Variants in NCKAP5 observed in about 807,000 individuals in gnomAD.
The protein encoded by NCKAP5 is nck-associated protein 5.
Under a neutral mutation model 167.0 loss-of-function variants are expected in NCKAP5, and 92 were observed. The ratio of observed to expected loss-of-function variants is 0.55; its 90% confidence interval spans 0.47 to 0.66. NCKAP5 has a LOEUF of 0.66. Ranked by LOEUF, NCKAP5 falls within the 30% of genes least tolerant of loss-of-function variation. The pLI is 0.00. For missense variants in NCKAP5, 2,378 were observed against 2,315.0 expected (o/e 1.03, Z -0.56); for synonymous variants, 891 against 877.4 (o/e 1.02, Z -0.27).
intron 2 of NCKAP5, among the ~76,000 whole-genome samples, chr2:133,534,761 G>A (rs1685628183): frequency 6.6e-6 from 1 of 151,978 alleles, no homozygotes; most frequent in Non-Finnish European, 1.5e-5. Context: ...TTGGACAACT[G>A]GGCTGTTTCC....
intron 4 of NCKAP5, among the ~76,000 whole-genome samples, chr2:133,298,205 AT>A (rs1680100857): frequency 1.3e-5 from 2 of 152,140 alleles, no homozygotes; most frequent in Non-Finnish European, 1.5e-5. Context: ...ATCAAAAGTA[AT>A]TTCATGATTC....
At chr2:132,795,837 AACAAAAAAAAC>A (rs1245454669) in intron 12 of NCKAP5, among the ~76,000 whole-genome samples, 3 of 144,550 alleles carry the variant, frequency 2.1e-5, no homozygotes, top group Non-Finnish European at 4.5e-5. Flanking sequence ...AAAAAAAAAA[AACAAAAAAAAC>A]AAAAGAGAAT....
intron 5 of NCKAP5, among the ~76,000 whole-genome samples, chr2:133,164,792 C>T (rs545636946): frequency 4.6e-5 from 7 of 152,252 alleles, no homozygotes; most frequent in Admixed American, 4.6e-4. Context: ...ACTTAGGAGA[C>T]CCCTGAAGAT....
At chr2:133,412,927 A>G (rs1688863472) in intron 3 of NCKAP5, among the ~76,000 whole-genome samples, 1 of 152,242 alleles carries the variant, frequency 6.6e-6, no homozygotes, top group Non-Finnish European at 1.5e-5. Flanking sequence ...CTTGAAGTGT[A>G]CTACAATGGT....
chr2:133,046,091 TA>T (rs1276344852), intron 6 of NCKAP5, among the ~76,000 whole-genome samples: 1 of 152,212 alleles, frequency 6.6e-6, no homozygotes, highest in Non-Finnish European at 1.5e-5. Context: ...GAGTGCCATT[TA>T]AAACTGATGA....
intron 3 of NCKAP5, among the ~76,000 whole-genome samples, chr2:133,408,822 C>T (rs956528286): frequency 2.0e-5 from 3 of 152,110 alleles, no homozygotes; most frequent in Admixed American, 2.0e-4. Context: ...ACCTCGTGCC[C>T]CTGAACAGTA....
intron 5 of NCKAP5, among the ~76,000 whole-genome samples, chr2:133,186,435 G>C (rs1574309832): frequency 6.6e-6 from 1 of 152,082 alleles, no homozygotes; most frequent in African/African-American, 2.4e-5. Flanking sequence ...CTGTGTCTCT[G>C]CAAGGTTTTA....
chr2:132,852,778 C>T (rs1689173955), intron 11 of NCKAP5, among the ~76,000 whole-genome samples: 1 of 152,198 alleles, frequency 6.6e-6, no homozygotes, highest in African/African-American at 2.4e-5. Context: ...TCAAGGTTAG[C>T]TGTGACCACA....
In NCKAP5 at chr2:132,952,699, A is replaced by G. The variant is rs576082984; in HGVS notation, c.579+11021T>C. On this transcript the variant is annotated intron_variant, in intron 8 of 19. Transcript: ENST00000409261. ...CTTCCTCACATCAATAGTGAGAGAC[A>G]GGCCACAAGAAAACGAGCACTGATC... 5.3e-5 allele frequency among the ~76,000 whole-genome samples: 8 copies of G among 152,252 alleles called. No homozygotes were observed. In the South Asian group the frequency reaches 1.0e-3, roughly 20 times the overall value.
At chr2:133,305,385 G>A (rs72987647) in intron 3 of NCKAP5, among the ~76,000 whole-genome samples, 3,468 of 152,214 alleles carry the variant, frequency 0.023, 138 homozygotes, top group African/African-American at 0.078. Flanking sequence ...GATAAATAAT[G>A]CTTCATTTAT....
the NCKAP5 span, among the ~76,000 whole-genome samples, chr2:133,638,957 G>T: frequency 6.6e-6 from 1 of 151,760 alleles, no homozygotes; most frequent in Non-Finnish European, 1.5e-5. Flanking sequence ...TTGCAAGAAT[G>T]TAAGAGGTCT....
intron 8 of NCKAP5, among the ~76,000 whole-genome samples, chr2:132,948,272 G>T (rs557644982): frequency 9.9e-5 from 15 of 152,272 alleles, no homozygotes; most frequent in South Asian, 6.2e-4. Flanking sequence ...GGCTGGTTAG[G>T]GGGGGAAGCT....
At chr2:133,174,419 C>G (rs1267677263) in intron 5 of NCKAP5, among the ~76,000 whole-genome samples, 1 of 152,126 alleles carries the variant, frequency 6.6e-6, no homozygotes, top group Non-Finnish European at 1.5e-5. Flanking sequence ...TAACATATAT[C>G]ATGGAAGAGA....
chr2:133,464,415 G>A (rs543609057), intron 3 of NCKAP5, among the ~76,000 whole-genome samples: 113 of 140,154 alleles, frequency 8.1e-4, no homozygotes, highest in African/African-American at 2.6e-3. Flanking sequence ...AATGGGCTGG[G>A]AGTGGTGGCT....
At chr2:133,424,020 C>G (rs921475815) in intron 3 of NCKAP5, among the ~76,000 whole-genome samples, 1 of 152,150 alleles carries the variant, frequency 6.6e-6, no homozygotes, top group Non-Finnish European at 1.5e-5. Context: ...GTGCACTCAT[C>G]ATGGCAGAAA....
intron 3 of NCKAP5, among the ~76,000 whole-genome samples, chr2:133,483,160 C>G (rs1680606224): frequency 6.6e-6 from 1 of 152,106 alleles, no homozygotes; most frequent in African/African-American, 2.4e-5. Flanking sequence ...CTAAGTAGCT[C>G]CAAATACACA....
At chr2:133,452,857 G>A (rs1359627933) in intron 3 of NCKAP5, among the ~76,000 whole-genome samples, 1 of 152,092 alleles carries the variant, frequency 6.6e-6, no homozygotes, top group East Asian at 1.9e-4. Flanking sequence ...TCATGCCCTG[G>A]TGTTAGAAGT....
intron 3 of NCKAP5, among the ~76,000 whole-genome samples, chr2:133,344,529 C>T (rs1194484722): frequency 1.3e-5 from 2 of 151,986 alleles, no homozygotes; most frequent in Non-Finnish European, 2.9e-5. Flanking sequence ...CAAAGGTACT[C>T]TCTGCAAAAG....
At chr2:133,377,329 G>A (rs1358861773) in intron 3 of NCKAP5, among the ~76,000 whole-genome samples, 2 of 152,178 alleles carry the variant, frequency 1.3e-5, no homozygotes, top group Non-Finnish European at 2.9e-5. Context: ...AAATTATTAT[G>A]TGTATCAGTG....
Sources: allele counts gnomAD v4.1 joint callset (sites outside exome capture counted in the v4.1 genomes callset), GRCh38; gene constraint gnomAD v4.1.1; transcripts MANE v1.5; gene names NCBI Gene and HGNC (gene_info 2026-07-23, HGNC 2026-07-21).